The following LYZL4 variants were observed in gnomAD, a reference collection of about 807,000 sequenced individuals.
LYZL4 encodes the protein lysozyme-like protein 4.
A neutral mutation model predicts 17.6 loss-of-function variants in LYZL4; 13 were observed. That is an observed-to-expected ratio of 0.74 (90% CI 0.48 to 1.18). The LOEUF (loss-of-function observed/expected upper bound fraction) is 1.18. Among genes scored for constraint, LYZL4 ranks in the 50% most tolerant of loss-of-function variants. The probability of loss-of-function intolerance (pLI) is 0.00; values close to 1 mark genes in which losing one functional copy is unlikely to be tolerated. For missense variants in LYZL4, 174 were observed against 188.2 expected (o/e 0.92, Z 0.44); for synonymous variants, 64 against 67.7 (o/e 0.95, Z 0.27).
rs774018786 is a variant in LYZL4 at position 42,406,938 on chromosome 3, C to A, written c.200G>T (p.Arg67Leu). ...FNPMAIYENT[R>L]EGYTGFGLFQ... ...GAGGCCAAAGCCAGTGTAGCCCTCACGTGTGTTCTCGTAGATGGCCATGGG... is the reference window on the plus strand; with the variant it reads ...GAGGCCAAAGCCAGTGTAGCCCTCAAGTGTGTTCTCGTAGATGGCCATGGG... The change falls in exon 3 of 5, where the codon CGT becomes CTT. Residue 67 changes from arginine (R) to leucine (L), a missense_variant. Coordinates refer to ENST00000287748, the MANE Select transcript of LYZL4 (RefSeq NM_144634.4). 2 of 1,614,216 alleles carry A rather than the reference C, an allele frequency of 1.2e-6. No homozygotes were observed. The highest frequency in any genetic ancestry group is 1.7e-6 in the Non-Finnish European group (2 of 1,180,038).
At chr3:42,395,534 G>A (rs566886012), downstream of LYZL4, among the ~76,000 whole-genome samples, 8 of 152,278 alleles carry the variant, frequency 5.3e-5, no homozygotes, top group South Asian at 2.1e-4. Context: ...ATATACACAC[G>A]AAAAGTTTCT....
chr3:42,409,561 G>A (rs765460855), intron 1 of LYZL4, among the ~76,000 whole-genome samples: 12 of 152,130 alleles, frequency 7.9e-5, no homozygotes, highest in African/African-American at 2.4e-5. Context: ...CAGTTCATCA[G>A]GTTCATCAGG....
At chr3:42,388,738 C>G in the LYZL4 span, among the ~76,000 whole-genome samples, 1 of 152,352 alleles carries the variant, frequency 6.6e-6, no homozygotes, top group South Asian at 2.1e-4. Flanking sequence ...GAGATGGGAT[C>G]TCTTGTAAAA....
chr3:42,400,016 A>G (rs1156876829), intron 4 of LYZL4, among the ~76,000 whole-genome samples: 1 of 147,628 alleles, frequency 6.8e-6, no homozygotes, highest in Non-Finnish European at 1.5e-5. Flanking sequence ...AAATACCTTG[A>G]AGACACAGAA....
At chr3:42,386,290 G>A in the LYZL4 span, among the ~76,000 whole-genome samples, 1 of 151,796 alleles carries the variant, frequency 6.6e-6, no homozygotes, top group African/African-American at 2.4e-5. Flanking sequence ...TTTAGTAGGG[G>A]CGGGGTTTTA....
the LYZL4 span, among the ~76,000 whole-genome samples, chr3:42,384,315 G>A: frequency 2.6e-5 from 4 of 152,126 alleles, no homozygotes; most frequent in African/African-American, 7.2e-5. Flanking sequence ...AGCTTGTGGA[G>A]GGCGAATTTC....
the LYZL4 span, among the ~76,000 whole-genome samples, chr3:42,361,006 A>G: frequency 2.6e-5 from 4 of 152,226 alleles, no homozygotes; most frequent in Non-Finnish European, 5.9e-5. Flanking sequence ...GCAAAGTCAA[A>G]ATTATGTGAA....
chr3:42,382,502 GTATTGAC>G, the LYZL4 span, among the ~76,000 whole-genome samples: 3 of 151,996 alleles, frequency 2.0e-5, no homozygotes, highest in Non-Finnish European at 4.4e-5. Context: ...TAGCTAGCGT[GTATTGAC>G]TATTGAGTGT....
the LYZL4 span, among the ~76,000 whole-genome samples, chr3:42,368,455 C>T: frequency 6.6e-6 from 1 of 152,148 alleles, no homozygotes; most frequent in African/African-American, 2.4e-5. Context: ...TGTATACCAC[C>T]TTCTTTTTCA....
At chr3:42,379,599 A>C in the LYZL4 span, among the ~76,000 whole-genome samples, 1 of 145,362 alleles carries the variant, frequency 6.9e-6, no homozygotes, top group African/African-American at 2.4e-5. Context: ...GAACCAAGAG[A>C]AGACCCAGCT....
At position 42,398,449 on chromosome 3, in the gene LYZL4, C is replaced by G. The variant is rs998662220; in HGVS notation, c.372-1115G>C. 1.7e-4 allele frequency among the ~76,000 whole-genome samples: 26 copies of G among 152,078 alleles called. 1 individual carries two copies. The highest frequency in any genetic ancestry group is 5.8e-4 in the African/African-American group (24 of 41,390). ...CTTCCACATTAACTGGAAACTCGGA[C>G]CATATATGAAAGGTATTTCAAACAC... On this transcript the variant is annotated intron_variant, in intron 4 of 4. Transcript: ENST00000287748.
rs1448413342 is a variant in LYZL4 at position 42,408,728 on chromosome 3, G to A, written c.-92-1385C>T. On this transcript the variant is annotated intron_variant, in intron 1 of 4. Coordinates refer to ENST00000287748, the MANE Select transcript of LYZL4 (RefSeq NM_144634.4). Reference sequence around the variant, plus strand: ...TCATTGCACCCTCCTGTTTGTCACCGTTCACAGGTGCATGTCTTCCTGGCT... The same window carrying A: ...TCATTGCACCCTCCTGTTTGTCACCATTCACAGGTGCATGTCTTCCTGGCT... Among the ~76,000 whole-genome samples the A allele has an allele frequency of 3.3e-5, 5 of 152,084 alleles. No homozygotes were observed. The East Asian group carries it at 5.8e-4, about 18-fold the overall frequency.
downstream of LYZL4, among the ~76,000 whole-genome samples, chr3:42,396,413 G>A (rs548874539): frequency 5.9e-5 from 9 of 152,320 alleles, no homozygotes; most frequent in African/African-American, 2.2e-4. Context: ...TCCATCCCAT[G>A]AAATAAGCTG....
At chr3:42,402,253 C>T (rs1698669039) in intron 4 of LYZL4, among the ~76,000 whole-genome samples, 2 of 150,400 alleles carry the variant, frequency 1.3e-5, no homozygotes, top group Admixed American at 6.6e-5. Context: ...CTACAGTGAG[C>T]TATGATAATG....
chr3:42,373,979 T>C, the LYZL4 span, among the ~76,000 whole-genome samples: 3 of 152,180 alleles, frequency 2.0e-5, no homozygotes. Context: ...AAGACCAAAA[T>C]GCCTCATCAT....
chr3:42,367,300 A>G, the LYZL4 span, among the ~76,000 whole-genome samples: 2 of 152,142 alleles, frequency 1.3e-5, no homozygotes, highest in African/African-American at 4.8e-5. Flanking sequence ...AACAAATATA[A>G]ATCCCTGATA....
the LYZL4 span, among the ~76,000 whole-genome samples, chr3:42,363,697 G>T: frequency 4.6e-5 from 7 of 152,314 alleles, no homozygotes; most frequent in African/African-American, 1.7e-4. Flanking sequence ...TGTCACAGAA[G>T]AATTGAGGTA....
chr3:42,379,756 T>A, the LYZL4 span, among the ~76,000 whole-genome samples: 4 of 152,202 alleles, frequency 2.6e-5, no homozygotes. Context: ...CCGATCCTCT[T>A]ATGGACTGAA....
chr3:42,397,979 C>A (rs889043125), intron 4 of LYZL4, among the ~76,000 whole-genome samples: 7 of 152,172 alleles, frequency 4.6e-5, no homozygotes, highest in African/African-American at 1.7e-4. Context: ...CTCAGGCCAG[C>A]TGTACGCCAT....
Sources: allele counts gnomAD v4.1 joint callset (sites outside exome capture counted in the v4.1 genomes callset), GRCh38; gene constraint gnomAD v4.1.1; transcripts MANE v1.5; gene names NCBI Gene and HGNC (gene_info 2026-07-23, HGNC 2026-07-21).